The following CATSPERE variants were observed in gnomAD, a reference collection of about 807,000 sequenced individuals.
CATSPERE encodes the protein cation channel sperm-associated auxiliary subunit epsilon.
A neutral mutation model predicts 114.1 loss-of-function variants in CATSPERE; 93 were observed. The ratio of observed to expected loss-of-function variants is 0.81; its 90% CI spans 0.69 to 0.97. The LOEUF (loss-of-function observed/expected upper bound fraction) is 0.97. Ranked by LOEUF, CATSPERE falls within the 50% of genes least tolerant of loss-of-function variation. The pLI is 0.00. For synonymous variants in CATSPERE, 341 were observed against 384.1 expected, an observed-to-expected ratio of 0.89 and a Z score of 1.31; for missense variants, 1,058 against 1,131.6, an observed-to-expected ratio of 0.93 and a Z score of 0.93.
At chr1:244,582,947 AT>A (rs1666430419) in intron 12 of CATSPERE, among the ~76,000 whole-genome samples, 754 of 6,346 alleles carry the variant, frequency 0.12, 28 homozygotes, top group African/African-American at 0.2. Context: ...ATATATATAT[AT>A]ATATATATAT....
chr1:244,594,959 A>T (rs1473470960), intron 17 of CATSPERE, among the ~76,000 whole-genome samples: 1 of 151,884 alleles, frequency 6.6e-6, no homozygotes, highest in Non-Finnish European at 1.5e-5. Context: ...CTTCTTCTAG[A>T]CACCCAATCA....
rs1030089358 is a variant in CATSPERE, at chr1:244,583,891, T to C, written c.2037T>C (p.Val679=). Residue 679 remains valine (V), a synonymous_variant, in exon 13 of 22, where the codon GTT becomes GTC. Transcript: ENST00000366534. ...ACAAGCACACGGGTCTTGTGCTGGT[T>C]CAGTTTCGACCTAGTGAATATTCAA... The part of the protein sequence containing the change: ...TQDKHTGLVL[V]QFRPSEYSKA... The C allele has an allele frequency of 1.2e-5, 19 of 1,614,148 alleles. No individual in the cohort carries two copies. The highest frequency in any genetic ancestry group is 1.6e-5 in the Non-Finnish European group (19 of 1,179,998).
chr1:244,632,222 C>T (rs138380313), intron 20 of CATSPERE, among the ~76,000 whole-genome samples: 3,334 of 151,864 alleles, frequency 0.022, 131 homozygotes, highest in African/African-American at 0.076. Context: ...AGTGAAACCC[C>T]GTCTCTGCTA....
upstream of CATSPERE, among the ~76,000 whole-genome samples, chr1:244,461,088 TTTCCTTCCTCC>T (rs2148056952): frequency 1.2e-5 from 1 of 83,794 alleles, no homozygotes; most frequent in South Asian, 2.6e-4. Context: ...TTTCTTTTTC[TTTCCTTCCTCC>T]TTCCTTCCTT....
intron 20 of CATSPERE, among the ~76,000 whole-genome samples, chr1:244,631,199 C>T (rs1673895885): frequency 6.6e-6 from 1 of 152,108 alleles, no homozygotes; most frequent in Non-Finnish European, 1.5e-5. Flanking sequence ...GTGTTGCATG[C>T]CTTCAGTACC....
intron 14 of CATSPERE, among the ~76,000 whole-genome samples, chr1:244,589,614 A>G (rs1038157867): frequency 2.6e-5 from 4 of 152,170 alleles, no homozygotes; most frequent in Admixed American, 2.0e-4. Context: ...GCTGAATCAA[A>G]ATCTGCATTT....
chr1:244,499,980 A>G (rs1346987857), intron 7 of CATSPERE, among the ~76,000 whole-genome samples: 5 of 152,128 alleles, frequency 3.3e-5, no homozygotes. Flanking sequence ...AAACGTTCCT[A>G]TTTCTCTGCA....
intron 8 of CATSPERE, among the ~76,000 whole-genome samples, chr1:244,550,573 C>A (rs1446756789): frequency 6.6e-6 from 1 of 152,146 alleles, no homozygotes; most frequent in South Asian, 2.1e-4. Flanking sequence ...ATTATATAAT[C>A]AGTGGACAAT....
chr1:244,513,395 G>C (rs1283043551), intron 7 of CATSPERE, among the ~76,000 whole-genome samples: 2 of 152,208 alleles, frequency 1.3e-5, no homozygotes, highest in Admixed American at 6.5e-5. Context: ...AGTGCCAGTG[G>C]TGTCAGGCAG....
rs1659320532 is a variant in CATSPERE at position 244,544,024 on chromosome 1, A to C, written c.537-8298A>C. On this transcript the variant is annotated intron_variant, in intron 8 of 21. Transcript: ENST00000366534. ...CAATACCAGAAAAATGGAAATCAGA[A>C]GAAACAGCACAAAGCAGGGAGCAAA... Among the ~76,000 whole-genome samples, 3 of 152,188 alleles carry C rather than the reference A, an allele frequency of 2.0e-5. No individual in the cohort carries two copies. The South Asian group carries it at 6.2e-4, about 32-fold the overall frequency.
At chr1:244,600,477 G>A (rs969602713) in intron 17 of CATSPERE, among the ~76,000 whole-genome samples, 2 of 152,056 alleles carry the variant, frequency 1.3e-5, no homozygotes, top group African/African-American at 4.8e-5. Flanking sequence ...TATAAGAATG[G>A]GAGATGTCCA....
chr1:244,632,796 C>T (rs538494763), intron 20 of CATSPERE, among the ~76,000 whole-genome samples: 81 of 152,104 alleles, frequency 5.3e-4, no homozygotes, highest in African/African-American at 1.8e-3. Context: ...ACGATATCAA[C>T]AATTACATTA....
chr1:244,451,632 C>T (rs1192787325), upstream of CATSPERE: 11 of 1,607,892 alleles, frequency 6.8e-6, no homozygotes, highest in Non-Finnish European at 9.3e-6. The surrounding 1 kb of genome is among the most constrained non-coding windows in gnomAD (Gnocchi z 6.6). Flanking sequence ...CCCGTCGCCT[C>T]ACCTGGCAGC....
intron 20 of CATSPERE, among the ~76,000 whole-genome samples, chr1:244,619,354 CAG>C (rs1671800918): frequency 6.6e-6 from 1 of 152,196 alleles, no homozygotes; most frequent in Non-Finnish European, 1.5e-5. Flanking sequence ...AAGACAAAAA[CAG>C]AAAGTTAATT....
chr1:244,620,624 C>A (rs1380584423), intron 20 of CATSPERE, among the ~76,000 whole-genome samples: 2 of 152,212 alleles, frequency 1.3e-5, no homozygotes, highest in Non-Finnish European at 2.9e-5. Flanking sequence ...ATATAAATAG[C>A]ATTCTATTTC....
chr1:244,601,973 A>G (rs1254963035), intron 17 of CATSPERE, among the ~76,000 whole-genome samples: 6 of 151,424 alleles, frequency 4.0e-5, no homozygotes, highest in South Asian at 2.1e-4. Flanking sequence ...GAGAAGGAGG[A>G]GAAGGGGAGA....
At chr1:244,597,357 G>A (rs186049063) in intron 17 of CATSPERE, among the ~76,000 whole-genome samples, 3 of 152,166 alleles carry the variant, frequency 2.0e-5, no homozygotes, top group East Asian at 3.9e-4. Context: ...CAGCTAAACC[G>A]ATGGTCAATG....
At chr1:244,487,093 C>T (rs1363103987) in intron 5 of CATSPERE, among the ~76,000 whole-genome samples, 1 of 151,264 alleles carries the variant, frequency 6.6e-6, no homozygotes, top group Non-Finnish European at 1.5e-5. Flanking sequence ...ACTCGTGGGC[C>T]AGGTACAGAC....
At position 244,585,202 on chromosome 1, in the gene CATSPERE, T is replaced by C. The variant is rs375044504; in HGVS notation, c.2085+1263T>C. On this transcript the variant is annotated intron_variant, in intron 13 of 21. Transcript: ENST00000366534. ...TAGGCTACTTACTCTGAGCCTCAGC[T>C]GCCTCATTTGTAAAAGGGAAAATGT... is the stretch of plus-strand genomic sequence containing the variant. Among the ~76,000 whole-genome samples, 17 of 152,336 alleles carry C rather than the reference T, an allele frequency of 1.1e-4. 1 individual carries two copies. In the South Asian group the frequency reaches 1.7e-3, roughly 15 times the overall value.
Sources: allele counts gnomAD v4.1 joint callset (sites outside exome capture counted in the v4.1 genomes callset), GRCh38; gene constraint gnomAD v4.1.1; non-coding constraint Gnocchi (gnomAD v3.1); transcripts MANE v1.5; gene names NCBI Gene and HGNC (gene_info 2026-07-23, HGNC 2026-07-21).